SAMD4A: variants seen among roughly 807,000 people sequenced by gnomAD.
The protein encoded by SAMD4A is protein Smaug homolog 1.
In SAMD4A, 33 loss-of-function variants were observed where a neutral mutation model predicts 81.3. The ratio of observed to expected loss-of-function variants is 0.41; its 90% CI spans 0.31 to 0.54. The LOEUF is 0.54. Ranked by LOEUF, SAMD4A falls within the 20% of genes least tolerant of loss-of-function variation. SAMD4A has a pLI of 0.37. For synonymous variants in SAMD4A, 389 were observed against 382.1 expected, an observed-to-expected ratio of 1.02 and a Z score of -0.21; for missense variants, 854 against 951.1, an observed-to-expected ratio of 0.90 and a Z score of 1.34.
chr14:54,573,033 C>A (rs2033178248), intron 2 of SAMD4A, among the ~76,000 whole-genome samples: 1 of 152,166 alleles, frequency 6.6e-6, no homozygotes, highest in South Asian at 2.1e-4. Context: ...CTTATCAACA[C>A]TTTTTCCTTC....
chr14:54,610,689 TAAA>T (rs1369119248), intron 2 of SAMD4A, among the ~76,000 whole-genome samples: 1 of 152,242 alleles, frequency 6.6e-6, no homozygotes, highest in African/African-American at 2.4e-5. Context: ...CTGAGTTTTT[TAAA>T]AAGTCAGACA....
rs1015356278 is a variant in SAMD4A, at chr14:54,789,356, A to C, written c.*412A>C. The stretch of plus-strand genomic sequence containing the variant: ...GGCTTCTCGGAAGGCCTGGCTTCAC[A>C]GGCAGGCCACAGAAGGATATCGCGG... On this transcript the variant is annotated 3_prime_UTR_variant, in exon 13 of 13. Coordinates refer to ENST00000554335, the MANE Select transcript of SAMD4A (RefSeq NM_015589.6). The C allele has an allele frequency of 1.4e-5, 3 of 219,532 alleles. No individual in the cohort carries two copies. The highest frequency in any genetic ancestry group is 6.9e-5 in the African/African-American group (3 of 43,536). The allele number at this position is 219,532 out of a possible 1,614,324, so 13.6% of individuals were successfully genotyped here.
At position 54,790,684 on chromosome 14, in the gene SAMD4A, G is replaced by C. The variant is rs916421432; in HGVS notation, c.*1740G>C. 1 of 145,940 alleles carries C rather than the reference G, an allele frequency of 6.9e-6. No individual in the cohort carries two copies. Among genetic ancestry groups the C allele is most frequent in the Non-Finnish European group, 1.5e-5 (1 of 65,212 alleles). 9.0% of individuals were successfully genotyped at this position (145,940 alleles called of 1,614,324 possible). On this transcript the variant is annotated 3_prime_UTR_variant, in exon 13 of 13. Coordinates refer to ENST00000554335, the MANE Select transcript of SAMD4A (RefSeq NM_015589.6). ...GTCGGGTGCCTGGTTGTGTGTGTGT[G>C]TGTGTGTGTGTGTGTGTGTGTGTGA...
At chr14:54,771,839 G>C (rs1249485291) in intron 9 of SAMD4A, among the ~76,000 whole-genome samples, 1 of 152,226 alleles carries the variant, frequency 6.6e-6, no homozygotes, top group African/African-American at 2.4e-5. Flanking sequence ...GCCTCTGTCA[G>C]CCCTGTGTTG....
Position 54,583,771 on chromosome 14 carries a change from G to A in SAMD4A, c.196+15659G>A, listed in dbSNP as rs903112239. Among the ~76,000 whole-genome samples the A allele has an allele frequency of 9.8e-5, 15 of 152,292 alleles. 1 individual carries two copies. In the South Asian group the frequency reaches 1.2e-3, roughly 13 times the overall value. ...GAAAATCTATTCTGTTGTTACAGGA[G>A]GTTAAGGAGGTTATTTGTAACACTG... On this transcript the variant is annotated intron_variant, in intron 2 of 12. Coordinates refer to ENST00000554335, the MANE Select transcript of SAMD4A (RefSeq NM_015589.6).
chr14:54,755,562 A>T (rs936956022), intron 6 of SAMD4A, among the ~76,000 whole-genome samples: 1 of 152,212 alleles, frequency 6.6e-6, no homozygotes, highest in Non-Finnish European at 1.5e-5. Flanking sequence ...GAATCCCACC[A>T]GGTGCCATGG....
chr14:54,717,206 C>T (rs1321954258), intron 3 of SAMD4A, among the ~76,000 whole-genome samples: 3 of 151,826 alleles, frequency 2.0e-5, no homozygotes, highest in Non-Finnish European at 4.4e-5. Context: ...TTTGGGAGGC[C>T]GAGCGGGGAG....
rs956537575 is a variant in SAMD4A at position 54,596,740 on chromosome 14, C to A, written c.196+28628C>A. ...CTTTCTCTCCTCAGGGTCCTGCTGG[C>A]AATCCCATTGGAGGACCCAAATGAA... On this transcript the variant is annotated intron_variant, in intron 2 of 12. Coordinates refer to ENST00000554335, the MANE Select transcript of SAMD4A (RefSeq NM_015589.6). Among the ~76,000 whole-genome samples, 4 of 152,196 alleles carry A rather than the reference C, an allele frequency of 2.6e-5. No individual in the cohort carries two copies. In the East Asian group the frequency reaches 5.8e-4, roughly 22 times the overall value.
chr14:54,584,872 A>G (rs2033572601), intron 2 of SAMD4A, among the ~76,000 whole-genome samples: 1 of 152,226 alleles, frequency 6.6e-6, no homozygotes, highest in Non-Finnish European at 1.5e-5. Context: ...CAAATTGTCC[A>G]AATCAGGTTC....
intron 2 of SAMD4A, among the ~76,000 whole-genome samples, chr14:54,597,159 A>G (rs1315080532): frequency 1.3e-5 from 2 of 148,810 alleles, no homozygotes. Context: ...ATGCATTCCT[A>G]TGTGGGTACA....
chr14:54,700,141 G>A (rs1039652460), intron 2 of SAMD4A, among the ~76,000 whole-genome samples: 1 of 152,124 alleles, frequency 6.6e-6, no homozygotes, highest in African/African-American at 2.4e-5. Flanking sequence ...GCTCTAACAT[G>A]ATTCCAGCTA....
chr14:54,670,359 C>T (rs1023503274), intron 2 of SAMD4A, among the ~76,000 whole-genome samples: 16 of 152,312 alleles, frequency 1.1e-4, no homozygotes, highest in African/African-American at 3.8e-4. Context: ...ACCAAAACCA[C>T]GAAATCCAGG....
chr14:54,686,541 G>C (rs2036273881), intron 2 of SAMD4A, among the ~76,000 whole-genome samples: 1 of 142,648 alleles, frequency 7.0e-6, no homozygotes, highest in Non-Finnish European at 1.5e-5. Flanking sequence ...TTTTTCCATC[G>C]GGCTCTTTGG....
Position 54,760,370 on chromosome 14 carries a change from C to G in SAMD4A, c.1386C>G (p.Thr462=). 6.4e-7 allele frequency: 1 copy of G among 1,558,620 alleles called. No individual in the cohort carries two copies. Among genetic ancestry groups the G allele is most frequent in the Non-Finnish European group, 8.6e-7 (1 of 1,161,246 alleles). ...DGAAATGATA[T]PSAGASGGLQ... is the part of the protein sequence containing the mutation. Reference sequence around the variant, plus strand: ...CCGCAGCCACTGGCGCCACGGCCACCCCCTCGGCCGGGGCCAGCGGGGGGC... The same window carrying G: ...CCGCAGCCACTGGCGCCACGGCCACGCCCTCGGCCGGGGCCAGCGGGGGGC... The change falls in exon 7 of 13, where the codon ACC becomes ACG. Residue 462 remains threonine, a synonymous_variant. Coordinates refer to ENST00000554335, the MANE Select transcript of SAMD4A (RefSeq NM_015589.6).
At position 54,738,646 on chromosome 14, in the gene SAMD4A, G is replaced by A. The variant is rs187958522; in HGVS notation, c.979+1359G>A. Among the ~76,000 whole-genome samples, 76 of 152,298 alleles carry A rather than the reference G, an allele frequency of 5.0e-4. 1 individual carries two copies. The highest frequency in any genetic ancestry group is 5.8e-4 in the East Asian group (3 of 5,194). On this transcript the variant is annotated intron_variant, in intron 4 of 12. Transcript: ENST00000554335. ...ACTGTATCACAATTTTGGAGCACTAGCAAAACCCACTTCTGACTTTATGCT... is the reference window on the plus strand; with the variant it reads ...ACTGTATCACAATTTTGGAGCACTAACAAAACCCACTTCTGACTTTATGCT...
At chr14:54,781,402 T>C (rs911847176) in intron 11 of SAMD4A, among the ~76,000 whole-genome samples, 3 of 152,332 alleles carry the variant, frequency 2.0e-5, no homozygotes, top group East Asian at 1.9e-4. Context: ...GGAATCTTCT[T>C]GACCCTGGGC....
In SAMD4A at chr14:54,788,926, C is replaced by T. The variant is rs1193957791; in HGVS notation, c.2139C>T (p.Asp713=). ...MTEHALGDGV[D]RTSTI is the part of the protein sequence containing the mutation. ...TGCTTTCTCTCCCAGACGGGGTTGA[C>T]CGGACCTCCACCATCTAGAAGCTGA... Residue 713 remains aspartate (D), a synonymous_variant, in exon 13 of 13, where the codon GAC becomes GAT. Coordinates refer to ENST00000554335, the MANE Select transcript of SAMD4A (RefSeq NM_015589.6). 1 of 1,614,090 alleles carries T rather than the reference C, an allele frequency of 6.2e-7. No homozygotes were observed. Among genetic ancestry groups the T allele is most frequent in the Non-Finnish European group, 8.5e-7 (1 of 1,180,052 alleles).
intron 2 of SAMD4A, among the ~76,000 whole-genome samples, chr14:54,636,262 T>G (rs943014353): frequency 6.6e-6 from 1 of 152,008 alleles, no homozygotes; most frequent in Non-Finnish European, 1.5e-5. Flanking sequence ...CAAAAGCCCT[T>G]AGGTTGGGAT....
At chr14:54,641,198 C>T (rs1303789657) in intron 2 of SAMD4A, among the ~76,000 whole-genome samples, 1 of 152,184 alleles carries the variant, frequency 6.6e-6, no homozygotes, top group Non-Finnish European at 1.5e-5. Context: ...CCTCTCAGGG[C>T]TATTGTCAGG....
Sources: allele counts gnomAD v4.1 joint callset (sites outside exome capture counted in the v4.1 genomes callset), GRCh38; gene constraint gnomAD v4.1.1; transcripts MANE v1.5; gene names NCBI Gene and HGNC (gene_info 2026-07-23, HGNC 2026-07-21).